Variants in TNS1 observed in about 807,000 individuals in gnomAD.
TNS1 encodes tensin 1.
A neutral mutation model predicts 168.6 loss-of-function variants in TNS1; 62 were observed. The ratio of observed to expected loss-of-function variants is 0.37; its 90% CI spans 0.30 to 0.45. The LOEUF (loss-of-function observed/expected upper bound fraction) is 0.45, where lower values mean the gene tolerates loss of function less well. Ranked by LOEUF, TNS1 falls within the 20% of genes least tolerant of loss-of-function variation. TNS1 has a pLI of 1.00. For missense variants in TNS1, 2,240 were observed against 2,339.4 expected (o/e 0.96, Z 0.88); for synonymous variants, 934 against 933.2 (o/e 1.00, Z -0.02).
At position 217,882,394 on chromosome 2, in the gene TNS1, A is replaced by G. The variant is rs911823261; in HGVS notation, c.1264T>C (p.Tyr422His). ...DAFKDDRFPE[Y>H]GKVEFVFSYG... ...GAAAATACAAACTCCACTTTGCCAT[A>G]CTCTGGAAATCGATCATCTGGAAAA... Residue 422 changes from tyrosine (Y) to histidine (H), a missense_variant, in exon 17 of 33, where the codon TAT becomes CAT. By Grantham distance (83) the Tyr-to-His change is moderately conservative. Transcript: ENST00000682258. 1 of 1,604,858 alleles carries G rather than the reference A, an allele frequency of 6.2e-7. No homozygotes were observed. The highest frequency in any genetic ancestry group is 8.5e-7 in the Non-Finnish European group (1 of 1,177,528).
At chr2:217,977,071 T>A (rs1395521256) in intron 3 of TNS1, among the ~76,000 whole-genome samples, 1 of 152,238 alleles carries the variant, frequency 6.6e-6, no homozygotes, top group African/African-American at 2.4e-5. Context: ...CAAAGTCTGA[T>A]AATGCATGTG....
Position 217,880,990 on chromosome 2 carries a change from G to C in TNS1, c.1337C>G (p.Pro446Arg). 1 of 1,613,992 alleles carries C rather than the reference G, an allele frequency of 6.2e-7. No homozygotes were observed. Among genetic ancestry groups the C allele is most frequent in the Non-Finnish European group, 8.5e-7 (1 of 1,179,986 alleles). Reference sequence around the variant, plus strand: ...GGTGTTATAGTCCACAGACACGCTCGGCCCGTTCTCCAGGTGCTCCATGCC... The same window carrying C: ...GGTGTTATAGTCCACAGACACGCTCCGCCCGTTCTCCAGGTGCTCCATGCC... ...IQGMEHLENG[P>R]SVSVDYNTSD... Residue 446 changes from proline (P) to arginine (R), a missense_variant, in exon 18 of 33, where the codon CCG (proline) becomes CGG (arginine). Coordinates refer to ENST00000682258, the MANE Select transcript of TNS1 (RefSeq NM_001387777.1). The surrounding 1 kb of genome is among the most constrained non-coding windows in gnomAD (Gnocchi z 4.2).
chr2:218,010,345 G>GT, exon 1 of TNS1: 1 of 395,476 alleles, frequency 2.5e-6, no homozygotes. Flanking sequence ...AGCCCCGGAG[G>GT]AGCAGCCCGT....
At chr2:217,993,474 G>A (rs1349663678) in intron 1 of TNS1, among the ~76,000 whole-genome samples, 7 of 152,178 alleles carry the variant, frequency 4.6e-5, no homozygotes, top group Admixed American at 6.5e-5. Flanking sequence ...CCGCTTCTGC[G>A]GTATCCCTGC....
chr2:217,981,796 G>A (rs940032459), intron 2 of TNS1, among the ~76,000 whole-genome samples: 1 of 152,262 alleles, frequency 6.6e-6, no homozygotes, highest in Admixed American at 6.5e-5. Flanking sequence ...CCTCTCTAAC[G>A]TGCATCCGTC....
intron 4 of TNS1, among the ~76,000 whole-genome samples, chr2:217,911,839 T>C (rs1954446347): frequency 6.6e-6 from 1 of 152,198 alleles, no homozygotes; most frequent in South Asian, 2.1e-4. Context: ...GAACAAGCTT[T>C]CTGAAAATTG....
chr2:217,917,785 C>CACA (rs1326853026), intron 4 of TNS1, among the ~76,000 whole-genome samples: 2 of 145,814 alleles, frequency 1.4e-5, no homozygotes, highest in African/African-American at 5.1e-5. Context: ...GAGCCAAGAT[C>CACA]ACACCACTGC....
intron 3 of TNS1, among the ~76,000 whole-genome samples, chr2:217,975,033 G>A (rs921007933): frequency 1.3e-5 from 2 of 152,174 alleles, no homozygotes; most frequent in Admixed American, 1.3e-4. Flanking sequence ...GACATTGTGG[G>A]TTCTGCCTTG....
At chr2:218,013,796 A>C (rs1958732237), upstream of TNS1, among the ~76,000 whole-genome samples, 1 of 152,048 alleles carries the variant, frequency 6.6e-6, no homozygotes, top group African/African-American at 2.4e-5. Flanking sequence ...TGACTTCTCC[A>C]CACCCCACCA....
upstream of TNS1, among the ~76,000 whole-genome samples, chr2:218,003,947 G>A (rs1008329535): frequency 5.9e-5 from 9 of 152,058 alleles, no homozygotes; most frequent in African/African-American, 2.2e-4. Flanking sequence ...AGGAGGCTGG[G>A]TCAAAACCCA....
intron 11 of TNS1, among the ~76,000 whole-genome samples, chr2:217,892,105 T>C (rs1325231558): frequency 6.6e-6 from 1 of 152,204 alleles, no homozygotes; most frequent in Admixed American, 6.5e-5. Flanking sequence ...ATATTTATTG[T>C]TTTTTTCTTT....
At position 217,827,519 on chromosome 2, in the gene TNS1, C is replaced by G. The variant is rs150235458; in HGVS notation, c.3373+3936G>C. Among the ~76,000 whole-genome samples, 1,151 of 152,322 alleles carry G rather than the reference C, an allele frequency of 7.6e-3. 4 individuals are homozygous for G. Among genetic ancestry groups the G allele is most frequent in the South Asian group, 0.02 (98 of 4,830 alleles). The stretch of plus-strand genomic sequence containing the variant: ...TCCCTGCCCCTTCCCCGCTCCACTC[C>G]CCAGGCCACGGGCAGCAATTCCAAC... On this transcript the variant is annotated intron_variant, in intron 22 of 32. Transcript: ENST00000682258.
In TNS1 at chr2:217,813,976, A is replaced by G; in HGVS notation, c.4730-160T>C. The G allele has an allele frequency of 1.2e-6, 1 of 815,714 alleles. No individual in the cohort carries two copies. Among genetic ancestry groups the G allele is most frequent in the Non-Finnish European group, 1.7e-6 (1 of 578,374 alleles). 50.5% of individuals were successfully genotyped at this position (815,714 alleles called of 1,614,324 possible). A position where few individuals can be genotyped will look rare whatever the true frequency, so the allele number is the denominator to read the frequency against. Reference sequence around the variant, plus strand: ...TACTCCTACGGGTCTTCCTGTACTCAGGTTGGCAAACTTATTCTGTTGGGT... The same window carrying G: ...TACTCCTACGGGTCTTCCTGTACTCGGGTTGGCAAACTTATTCTGTTGGGT... On this transcript the variant is annotated intron_variant, in intron 25 of 32. Transcript: ENST00000682258. This position sits in a 1 kb window ranked among gnomAD's most constrained non-coding sequence, Gnocchi z 4.0.
chr2:217,808,191 G>A (rs1939570406), intron 31 of TNS1, 84 bp from the exon 32 acceptor site: 9 of 1,537,164 alleles, frequency 5.9e-6, no homozygotes, highest in Non-Finnish European at 8.9e-7. Context: ...CCCTCTGCAG[G>A]AAGGTCTGGG....
At chr2:217,914,538 A>C (rs1954789270) in intron 4 of TNS1, among the ~76,000 whole-genome samples, 1 of 148,582 alleles carries the variant, frequency 6.7e-6, no homozygotes, top group Admixed American at 7.1e-5. Flanking sequence ...TTTGACACGG[A>C]GTCTCGCTCT....
intron 19 of TNS1, among the ~76,000 whole-genome samples, 165 bp downstream of exon 19, chr2:217,847,345 A>T (rs752871361): frequency 8.5e-5 from 13 of 152,374 alleles, no homozygotes; most frequent in Admixed American, 2.0e-4. Context: ...TGCCTATCAG[A>T]CAATGAATGC....
At chr2:217,972,953 T>C (rs1957805209) in intron 3 of TNS1, among the ~76,000 whole-genome samples, 1 of 152,112 alleles carries the variant, frequency 6.6e-6, no homozygotes, top group Non-Finnish European at 1.5e-5. Flanking sequence ...AATAAATACA[T>C]AAATAAAAGT....
chr2:217,958,003 TCACA>T lies in TNS1; in HGVS notation c.186+20758_186+20761del, dbSNP rs57381974. Among the ~76,000 whole-genome samples the T allele has an allele frequency of 2.7e-4, 40 of 145,838 alleles. No homozygotes were observed. The East Asian group carries it at 3.6e-3, about 13-fold the overall frequency. On this transcript the variant is annotated intron_variant, in intron 3 of 32. Transcript: ENST00000682258. Reference sequence around the variant, plus strand: ...TTTTAAATCTCCCATAATAAAGAATTCACACACACACACACACACACACACAAAA... The same window carrying T: ...TTTTAAATCTCCCATAATAAAGAATTCACACACACACACACACACACAAAA...
chr2:217,902,800 C>T (rs1052713774), intron 6 of TNS1, among the ~76,000 whole-genome samples: 5 of 152,198 alleles, frequency 3.3e-5, no homozygotes, highest in African/African-American at 1.2e-4. Flanking sequence ...GGACGAACAG[C>T]TGGGACTGTC....
Sources: gnomAD v4.1 joint callset for allele counts (sites outside exome capture counted in the v4.1 genomes callset) on GRCh38, gnomAD v4.1.1 for gene constraint, Gnocchi (gnomAD v3.1) non-coding constraint, MANE v1.5 for transcripts, NCBI Gene and HGNC (gene_info 2026-07-23, HGNC 2026-07-21) for gene names.